Variants in WFDC5 observed in about 807,000 individuals in gnomAD.
WFDC5 encodes WAP four-disulfide core domain protein 5.
In WFDC5, 15 loss-of-function variants were observed where a neutral mutation model predicts 15.7. The observed-to-expected ratio is 0.96, with a 90% CI of 0.64 to 1.47. The LOEUF is 1.47. WFDC5 is among the 40% of genes most tolerant of loss of function. The pLI, the probability that WFDC5 is intolerant of heterozygous loss-of-function variation, is 0.00. For missense variants in WFDC5, 280 were observed against 258.0 expected (o/e 1.09, Z -0.59); for synonymous variants, 109 against 107.7 (o/e 1.01, Z -0.07).
exon 4 of WFDC5, chr20:45,109,839 A>G (rs1158340788): frequency 1.1e-6 from 1 of 944,136 alleles, no homozygotes; most frequent in African/African-American, 1.6e-5. Flanking sequence ...AGGAGAAACC[A>G]GGGGTGGATG....
chr20:45,113,456 C>T (rs1292442555), intron 1 of WFDC5, among the ~76,000 whole-genome samples: 1 of 152,218 alleles, frequency 6.6e-6, no homozygotes, highest in African/African-American at 2.4e-5. Context: ...TGTGCCAGCT[C>T]TTTGCCTCTG....
intron 1 of WFDC5, among the ~76,000 whole-genome samples, chr20:45,112,618 TAGAG>T (rs530789303): frequency 8.5e-5 from 13 of 152,166 alleles, no homozygotes; most frequent in African/African-American, 2.7e-4. Flanking sequence ...TGTGTAGACT[TAGAG>T]AGCAAAAGAA....
In WFDC5 at chr20:45,115,056, C is replaced by T. The variant is rs566507477; in HGVS notation, c.28G>A (p.Gly10Arg). ...TGACTCCCCACAGCCAGGAGGGCCC[C>T]CAGGAGGAGAAGGCTCTGGGTCCTC... The change falls in exon 1 of 4, where the codon GGG (glycine) becomes AGG (arginine). Residue 10 changes from glycine to arginine, a missense_variant. By Grantham distance (125) the Gly-to-Arg change is moderately radical. Coordinates refer to ENST00000307971, the Ensembl canonical transcript of WFDC5. 5.0e-6 allele frequency: 8 copies of T among 1,613,508 alleles called. No homozygotes were observed. In the South Asian group the frequency reaches 5.5e-5, roughly 11 times the overall value.
exon 3 of WFDC5, chr20:45,110,424 G>T (rs1487718964): frequency 1.2e-6 from 2 of 1,608,998 alleles, no homozygotes; most frequent in Non-Finnish European, 1.7e-6. Context: ...CGGCAATCCC[G>T]CCCGCAGGCG....
At chr20:45,114,729 C>T (rs1175826123) in intron 1 of WFDC5, among the ~76,000 whole-genome samples, 2 of 151,982 alleles carry the variant, frequency 1.3e-5, no homozygotes, top group Non-Finnish European at 2.9e-5. Flanking sequence ...GACATATAGA[C>T]AGGCACAGAC....
intron 1 of WFDC5, among the ~76,000 whole-genome samples, chr20:45,112,452 C>A (rs1314744514): frequency 1.3e-5 from 2 of 152,054 alleles, no homozygotes; most frequent in East Asian, 1.9e-4. Flanking sequence ...AAAAGCCTGG[C>A]GTGTGCAGAG....
chr20:45,115,150 G>A, exon 1 of WFDC5: 1 of 1,498,304 alleles, frequency 6.7e-7, no homozygotes, highest in Non-Finnish European at 9.1e-7. Flanking sequence ...GGAAGCCAGA[G>A]AAACTTAGTC....
chr20:45,113,009 A>G (rs545997896), intron 1 of WFDC5, among the ~76,000 whole-genome samples: 4 of 152,370 alleles, frequency 2.6e-5, no homozygotes, highest in Admixed American at 1.3e-4. Context: ...ATATATAAAT[A>G]TATAGCATAT....
chr20:45,115,169 A>G (rs2145529101), upstream of WFDC5: 1 of 1,332,654 alleles, frequency 7.5e-7, no homozygotes. Context: ...TCAGGAGAGG[A>G]AAGAGAGGGG....
chr20:45,111,435 C>T (rs538754768), intron 1 of WFDC5, among the ~76,000 whole-genome samples: 7 of 152,158 alleles, frequency 4.6e-5, no homozygotes, highest in East Asian at 3.9e-4. Context: ...CAGCCCTTGG[C>T]GCACAGCAGT....
chr20:45,114,934 C>G (rs893457097), intron 1 of WFDC5, 65 bp downstream of exon 1: 47 of 1,570,732 alleles, frequency 3.0e-5, no homozygotes, highest in Non-Finnish European at 4.1e-5. Flanking sequence ...TCCCCCAAAC[C>G]CTTACTCTCC....
rs114645401 is a variant in WFDC5 at position 45,110,507 on chromosome 20, C to A, written c.260G>T (p.Arg87Leu). The change falls in exon 3 of 4, where the codon CGC becomes CTC. Residue 87 changes from arginine (R) to leucine (L), a missense_variant. Physicochemically the swap from Arg to Leu is moderately radical, Grantham distance 102. Transcript: ENST00000307971. ...CAGGTGGTTCATGGGGCTGAGGCAG[C>A]GCAGTTGGTCCTCTGGGCAGCTGCC... 3 of 1,614,188 alleles carry A rather than the reference C, an allele frequency of 1.9e-6. No homozygotes were observed. The African/African-American group carries it at 4.0e-5, about 22-fold the overall frequency.
chr20:45,110,043 C>A (rs985549342), intron 3 of WFDC5, 30 bp from the exon 4 acceptor site: 11 of 1,606,514 alleles, frequency 6.8e-6, no homozygotes, highest in Non-Finnish European at 9.4e-6. Flanking sequence ...GGGTTAATTC[C>A]TTCCCATAAT....
At position 45,109,861 on chromosome 20, in the gene WFDC5, A is replaced by G. The variant is rs758680475; in HGVS notation, c.546T>C (p.Thr182=). 4 of 1,125,800 alleles carry G rather than the reference A, an allele frequency of 3.6e-6. No homozygotes were observed. The East Asian group carries it at 9.7e-5, about 27-fold the overall frequency. 69.7% of individuals were successfully genotyped at this position (1,125,800 alleles called of 1,614,324 possible). A position where few individuals can be genotyped will look rare whatever the true frequency, so the allele number is the denominator to read the frequency against. The stretch of plus-strand genomic sequence containing the variant: ...ACCAGGGGTGGATGGGTTGCAGGGA[A>G]GTGTCAGCAGGCCAGTGATTATCAG... The change falls in exon 4 of 4, where the codon ACT becomes ACC. Residue 182 remains threonine (T), a synonymous_variant. Coordinates refer to ENST00000307971, the Ensembl canonical transcript of WFDC5.
upstream of WFDC5, among the ~76,000 whole-genome samples, chr20:45,115,588 C>T (rs6124690): frequency 0.47 from 71,334 of 151,916 alleles, 17,163 homozygotes; most frequent in Middle Eastern, 0.54. Context: ...CTGGCCCAGG[C>T]TGGCATAATG....
exon 4 of WFDC5, chr20:45,109,913 T>C (rs1981562311): frequency 1.3e-6 from 2 of 1,518,012 alleles, no homozygotes; most frequent in Non-Finnish European, 1.8e-6. Flanking sequence ...CTGGTAGAGA[T>C]AGTGCTGTCC....
intron 1 of WFDC5, 111 bp downstream of exon 1, chr20:45,114,888 C>A: frequency 9.2e-7 from 1 of 1,089,850 alleles, no homozygotes; most frequent in Non-Finnish European, 1.3e-6. Flanking sequence ...CGCACACACA[C>A]ACGCGCACAC....
chr20:45,109,541 G>A, exon 4 of WFDC5: 3 of 579,052 alleles, frequency 5.2e-6, no homozygotes, highest in Non-Finnish European at 9.4e-6. Flanking sequence ...GGTACAGGCA[G>A]CGTGCAACCT....
intron 1 of WFDC5, among the ~76,000 whole-genome samples, chr20:45,113,109 A>G (rs1981666148): frequency 6.6e-6 from 1 of 152,208 alleles, no homozygotes; most frequent in African/African-American, 2.4e-5. Flanking sequence ...TATCTTCCCA[A>G]TACCACATAA....
Sources: allele counts gnomAD v4.1 joint callset (sites outside exome capture counted in the v4.1 genomes callset), GRCh38; gene constraint gnomAD v4.1.1; transcripts MANE v1.5; gene names NCBI Gene and HGNC (gene_info 2026-07-23, HGNC 2026-07-21).